Variants in SORCS1 observed in about 807,000 individuals in gnomAD.
The protein encoded by SORCS1 is VPS10 domain-containing receptor SorCS1.
SORCS1 carries 60 observed loss-of-function variants against 146.1 expected under a neutral mutation model. The ratio of observed to expected loss-of-function variants is 0.41; its 90% CI spans 0.33 to 0.51. The LOEUF is 0.51. Ranked by LOEUF, SORCS1 falls within the 20% of genes least tolerant of loss-of-function variation. SORCS1 has a pLI of 0.21. For synonymous variants in SORCS1, 637 were observed against 584.0 expected (o/e 1.09, Z -1.31); for missense variants, 1,352 against 1,487.6 (o/e 0.91, Z 1.50).
chr10:106,671,297 C>T lies in SORCS1; in HGVS notation c.2129G>A (p.Gly710Glu). ...KRKSERKCMQ[G>E]KYAGAMESEP... ...AGATTCCATAGCTCCTGCATATTTT[C>T]CTTGCATACACTTCCGCTCTGATTT... Residue 710 changes from glycine (G) to glutamate (E), a missense_variant, in exon 16 of 26, where the codon GGA (glycine) becomes GAA (glutamate). By Grantham distance (98) the Gly-to-Glu change is moderately conservative. Around this residue, in one of 3 missense-constraint regions of SORCS1, gnomAD observed 648 missense variants for 793.8 expected, o/e 0.82. Transcript: ENST00000263054. 1 of 1,614,168 alleles carries T rather than the reference C, an allele frequency of 6.2e-7. No homozygotes were observed. Among genetic ancestry groups the T allele is most frequent in the Non-Finnish European group, 8.5e-7 (1 of 1,180,018 alleles).
At chr10:106,883,801 A>C (rs1264572886) in intron 2 of SORCS1, among the ~76,000 whole-genome samples, 1 of 152,202 alleles carries the variant, frequency 6.6e-6, no homozygotes, top group Non-Finnish European at 1.5e-5. Context: ...CTCACCAGGG[A>C]AAAGAAAACG....
At chr10:106,899,961 C>G (rs1951640609) in intron 2 of SORCS1, among the ~76,000 whole-genome samples, 1 of 151,830 alleles carries the variant, frequency 6.6e-6, no homozygotes, top group Admixed American at 6.6e-5. Flanking sequence ...TATGTACATA[C>G]ACACACACAT....
At chr10:106,712,436 C>T (rs962142623) in intron 6 of SORCS1, among the ~76,000 whole-genome samples, 7 of 152,016 alleles carry the variant, frequency 4.6e-5, no homozygotes, top group African/African-American at 9.7e-5. Context: ...GATAAGAACT[C>T]GGATAAAACA....
At chr10:107,040,085 A>T (rs1959088974) in intron 1 of SORCS1, among the ~76,000 whole-genome samples, 1 of 152,180 alleles carries the variant, frequency 6.6e-6, no homozygotes. Flanking sequence ...AGTAACCACT[A>T]AACCTAGTAA....
At chr10:107,143,949 G>A (rs1253213985) in intron 1 of SORCS1, among the ~76,000 whole-genome samples, 1 of 151,986 alleles carries the variant, frequency 6.6e-6, no homozygotes, top group East Asian at 1.9e-4. Context: ...TTTCAATCTA[G>A]TTTGCAAGGC....
intron 1 of SORCS1, among the ~76,000 whole-genome samples, chr10:107,028,330 C>T (rs11193173): frequency 0.27 from 40,680 of 152,092 alleles, 6,501 homozygotes; most frequent in Admixed American, 0.37. Context: ...CATCAGGGAA[C>T]AGAAAGAGGC....
intron 1 of SORCS1, among the ~76,000 whole-genome samples, chr10:107,061,757 T>G (rs1415083203): frequency 6.6e-6 from 1 of 152,168 alleles, no homozygotes; most frequent in African/African-American, 2.4e-5. Context: ...TCATATAATG[T>G]TAAAATAACT....
chr10:106,605,819 T>C (rs1308591633), intron 23 of SORCS1, among the ~76,000 whole-genome samples: 1 of 152,278 alleles, frequency 6.6e-6, no homozygotes, highest in East Asian at 1.9e-4. Context: ...CAGGGGAGCC[T>C]TCTGCCAAGT....
chr10:106,927,577 G>A lies in SORCS1; in HGVS notation c.626+28936C>T, dbSNP rs568896222. On this transcript the variant is annotated intron_variant, in intron 2 of 25. Transcript: ENST00000263054. ...GCTCGGGCAGCCTGTTTATTCTCAT[G>A]TGGCCCCACCCACATCCTGCCGATT... 9.2e-5 allele frequency among the ~76,000 whole-genome samples: 14 copies of A among 152,280 alleles called. No homozygotes were observed. The East Asian group carries it at 2.1e-3, about 23-fold the overall frequency.
At chr10:106,630,960 A>G (rs1848407065) in intron 18 of SORCS1, among the ~76,000 whole-genome samples, 1 of 152,216 alleles carries the variant, frequency 6.6e-6, no homozygotes, top group Non-Finnish European at 1.5e-5. Context: ...TCCATCCTTT[A>G]ACAAATTTTG....
At chr10:107,029,003 G>C (rs1269232550) in intron 1 of SORCS1, among the ~76,000 whole-genome samples, 3 of 152,160 alleles carry the variant, frequency 2.0e-5, no homozygotes, top group African/African-American at 7.2e-5. Flanking sequence ...ATAGTTCCTA[G>C]ATACCAAATC....
chr10:106,694,091 CA>C (rs1470598916), intron 9 of SORCS1, among the ~76,000 whole-genome samples: 22 of 152,110 alleles, frequency 1.4e-4, no homozygotes, highest in Non-Finnish European at 3.1e-4. Flanking sequence ...CTCGAGAGGA[CA>C]ACAGGAAGGA....
At chr10:106,738,436 C>A (rs1390614393) in intron 5 of SORCS1, among the ~76,000 whole-genome samples, 2 of 152,130 alleles carry the variant, frequency 1.3e-5, no homozygotes, top group African/African-American at 4.8e-5. Flanking sequence ...ATAAGTCAGA[C>A]ACCATCTTAG....
intron 8 of SORCS1, among the ~76,000 whole-genome samples, chr10:106,702,615 G>C (rs74152228): frequency 0.056 from 8,570 of 152,238 alleles, 441 homozygotes; most frequent in African/African-American, 0.14. Flanking sequence ...TATGAGCTGA[G>C]TTCCAATCCT....
intron 24 of SORCS1, among the ~76,000 whole-genome samples, chr10:106,593,259 C>T (rs971074734): frequency 2.6e-5 from 4 of 151,448 alleles, no homozygotes; most frequent in African/African-American, 9.7e-5. Flanking sequence ...GTAGGGTCTA[C>T]CACCCTATTC....
At chr10:107,093,724 A>C (rs572182352) in intron 1 of SORCS1, among the ~76,000 whole-genome samples, 1 of 151,446 alleles carries the variant, frequency 6.6e-6, no homozygotes, top group Non-Finnish European at 1.5e-5. Context: ...CCTGTTTGAA[A>C]TCTCCCTCAG....
chr10:107,019,638 C>A (rs559513126), intron 1 of SORCS1, among the ~76,000 whole-genome samples: 5 of 152,134 alleles, frequency 3.3e-5, no homozygotes, highest in Admixed American at 6.5e-5. Flanking sequence ...ATTTAATGCC[C>A]TAACCGTCCA....
chr10:106,858,904 C>T (rs994234963), intron 2 of SORCS1, among the ~76,000 whole-genome samples: 1 of 152,188 alleles, frequency 6.6e-6, no homozygotes, highest in Non-Finnish European at 1.5e-5. Context: ...GTTGTCTGTG[C>T]CCAATGTATC....
At position 106,843,671 on chromosome 10, in the gene SORCS1, G is replaced by A. The variant is rs371836188; in HGVS notation, c.627-13998C>T. ...AGGATGGTCTCCATCTCCTGACCTC[G>A]TGATCTGCCCACCTTGGCCCCCCAA... is the stretch of plus-strand genomic sequence containing the variant. On this transcript the variant is annotated intron_variant, in intron 2 of 25. Coordinates refer to ENST00000263054, the MANE Select transcript of SORCS1 (RefSeq NM_052918.5). 2.6e-5 allele frequency among the ~76,000 whole-genome samples: 4 copies of A among 152,020 alleles called. No homozygotes were observed. In the East Asian group the frequency reaches 5.8e-4, roughly 22 times the overall value.
Sources: gnomAD v4.1 joint callset for allele counts (sites outside exome capture counted in the v4.1 genomes callset) on GRCh38, gnomAD v4.1.1 for gene constraint, gnomAD v4.1.1 regional missense constraint, MANE v1.5 for transcripts, NCBI Gene and HGNC (gene_info 2026-07-23, HGNC 2026-07-21) for gene names.